The following ITGA2 variants were observed in gnomAD, a reference collection of about 807,000 sequenced individuals.
ITGA2 encodes the protein integrin alpha-2.
Under a neutral mutation model 146.3 loss-of-function variants are expected in ITGA2, and 101 were observed. The observed-to-expected ratio is 0.69, with a 90% CI of 0.59 to 0.81. The LOEUF (loss-of-function observed/expected upper bound fraction) is 0.81, where lower values mean the gene tolerates loss of function less well. Among genes scored for constraint, ITGA2 ranks in the 40% least tolerant of loss-of-function variants. The pLI, the probability that ITGA2 is intolerant of heterozygous loss-of-function variation, is 0.00. For missense variants in ITGA2, 1,281 were observed against 1,402.7 expected (o/e 0.91, Z 1.39); for synonymous variants, 477 against 487.1 (o/e 0.98, Z 0.27).
chr5:53,052,805 C>T (rs1744440244), intron 7 of ITGA2, among the ~76,000 whole-genome samples: 1 of 152,112 alleles, frequency 6.6e-6, no homozygotes, highest in Non-Finnish European at 1.5e-5. Context: ...ATTTTTTCTT[C>T]ACTAAACAGA....
chr5:52,997,592 C>T (rs548470861), intron 1 of ITGA2, among the ~76,000 whole-genome samples: 84 of 152,276 alleles, frequency 5.5e-4, no homozygotes, highest in African/African-American at 1.7e-3. Context: ...GTCATTCTCC[C>T]GGATTCATTT....
chr5:53,074,946 A>G (rs1276103659), intron 21 of ITGA2, 115 bp from the exon 22 acceptor site: 7 of 737,142 alleles, frequency 9.5e-6, no homozygotes, highest in East Asian at 2.5e-5. Flanking sequence ...CTTAAGGTAT[A>G]TAAAATTCAG....
intron 27 of ITGA2, among the ~76,000 whole-genome samples, chr5:53,085,271 T>C (rs3212628): frequency 0.11 from 16,944 of 152,202 alleles, 1,147 homozygotes; most frequent in African/African-American, 0.18. Flanking sequence ...AGTAATTTCA[T>C]TACAAAGTGA....
At chr5:53,072,996 C>A in intron 19 of ITGA2, 122 bp from the exon 20 acceptor site, 2 of 954,762 alleles carry the variant, frequency 2.1e-6, no homozygotes, top group Non-Finnish European at 3.2e-6. Flanking sequence ...TATTACACAG[C>A]AATTTTCTCA....
At chr5:53,086,215 G>C (rs1746151880) in intron 27 of ITGA2, among the ~76,000 whole-genome samples, 1 of 152,064 alleles carries the variant, frequency 6.6e-6, no homozygotes, top group South Asian at 2.1e-4. Context: ...CTGAAAACTA[G>C]GCTCTTTTTC....
chr5:53,034,888 T>C (rs1462685378), intron 2 of ITGA2, among the ~76,000 whole-genome samples: 1 of 152,172 alleles, frequency 6.6e-6, no homozygotes, highest in African/African-American at 2.4e-5. Context: ...GGGAACTTAA[T>C]ATGGTAAAAA....
chr5:53,018,960 A>T (rs543203386), intron 1 of ITGA2, among the ~76,000 whole-genome samples: 17 of 152,204 alleles, frequency 1.1e-4, no homozygotes, highest in African/African-American at 4.1e-4. Flanking sequence ...GCTACTCAGG[A>T]GGCTGAGATA....
intron 1 of ITGA2, among the ~76,000 whole-genome samples, chr5:52,994,193 C>G (rs1175350979): frequency 1.3e-5 from 2 of 152,066 alleles, no homozygotes; most frequent in Non-Finnish European, 1.5e-5. Context: ...GTGTTAGGCT[C>G]AAGGTGGAAT....
rs1386247687 is a variant in ITGA2 at position 53,094,028 on chromosome 5, AATT to A, written c.*3435_*3437del. 13 of 152,636 alleles carry A rather than the reference AATT, an allele frequency of 8.5e-5. No individual in the cohort carries two copies. Among genetic ancestry groups the A allele is most frequent in the Admixed American group, 5.9e-4 (9 of 15,284 alleles). The allele number at this position is 152,636 out of a possible 1,614,324, so 9.5% of individuals were successfully genotyped here. On this transcript the variant is annotated 3_prime_UTR_variant, in exon 30 of 30. Coordinates refer to ENST00000296585, the MANE Select transcript of ITGA2 (RefSeq NM_002203.4). The stretch of plus-strand genomic sequence containing the variant: ...TAGTCACACAAGTGATTATACTAAA[AATT>A]ATTATAAAGGTTATAATTTTATAAT...
At chr5:53,052,298 C>A (rs1015378734) in intron 7 of ITGA2, among the ~76,000 whole-genome samples, 1 of 151,898 alleles carries the variant, frequency 6.6e-6, no homozygotes, top group African/African-American at 2.4e-5. Context: ...CCTCATTGTT[C>A]AATGTGCTCT....
At chr5:53,083,136 G>A (rs1256831226) in intron 26 of ITGA2, among the ~76,000 whole-genome samples, 1 of 152,140 alleles carries the variant, frequency 6.6e-6, no homozygotes, top group Admixed American at 6.6e-5. Context: ...GGGGTAAAGA[G>A]TGTGCACTTG....
chr5:53,008,910 A>G (rs1197223323), intron 1 of ITGA2, among the ~76,000 whole-genome samples: 1 of 152,150 alleles, frequency 6.6e-6, no homozygotes, highest in African/African-American at 2.4e-5. Flanking sequence ...TGCATGAGTC[A>G]GAGAAGGACT....
chr5:53,041,129 A>G lies in ITGA2; in HGVS notation c.186-983A>G, dbSNP rs550994343. Among the ~76,000 whole-genome samples, 9 of 152,284 alleles carry G rather than the reference A, an allele frequency of 5.9e-5. No individual in the cohort carries two copies. The South Asian group carries it at 1.9e-3, about 32-fold the overall frequency. On this transcript the variant is annotated intron_variant, in intron 2 of 29. Transcript: ENST00000296585. The stretch of plus-strand genomic sequence containing the variant: ...ACCCTTCCCAATACTGACATGAAAA[A>G]AAATGGAAGCAAATATGCTTCCGTA...
At chr5:53,082,344 T>C (rs1029543998) in intron 26 of ITGA2, among the ~76,000 whole-genome samples, 3 of 152,160 alleles carry the variant, frequency 2.0e-5, no homozygotes, top group Non-Finnish European at 2.9e-5. Context: ...TTTTCTTTAA[T>C]TGCAGTTGTT....
rs1237058170 is a variant in ITGA2, at chr5:53,070,116, A to G, written c.2091A>G (p.Val697=). Residue 697 remains valine, a synonymous_variant, in exon 17 of 30, where the codon GTA becomes GTG. Coordinates refer to ENST00000296585, the MANE Select transcript of ITGA2 (RefSeq NM_002203.4). The stretch of plus-strand genomic sequence containing the variant: ...TGATTTTTTTTATCATAGCCATTGT[A>G]TATAACATCACACTTGATGCAGATG... ...PTKQNNQVAI[V]YNITLDADGF... 9 of 1,609,646 alleles carry G rather than the reference A, an allele frequency of 5.6e-6. No homozygotes were observed. The highest frequency in any genetic ancestry group is 1.1e-5 in the South Asian group (1 of 90,998).
chr5:53,017,574 C>A (rs1375469689), intron 1 of ITGA2, among the ~76,000 whole-genome samples: 2 of 152,202 alleles, frequency 1.3e-5, no homozygotes, highest in African/African-American at 4.8e-5. Flanking sequence ...TATGTGACAG[C>A]AGCTGTGGCA....
chr5:53,063,486 G>T (rs2111970469), intron 13 of ITGA2, among the ~76,000 whole-genome samples: 1 of 151,820 alleles, frequency 6.6e-6, no homozygotes, highest in African/African-American at 2.4e-5. Context: ...CATTAACATG[G>T]CAAAGCATAA....
chr5:53,019,819 C>A (rs2111782640), intron 1 of ITGA2, among the ~76,000 whole-genome samples: 1 of 152,286 alleles, frequency 6.6e-6, no homozygotes, highest in Non-Finnish European at 1.5e-5. Context: ...AGCCACCATG[C>A]CTGGCCAAGT....
At chr5:53,054,945 TA>T (rs1744562946) in intron 7 of ITGA2, among the ~76,000 whole-genome samples, 1 of 151,980 alleles carries the variant, frequency 6.6e-6, no homozygotes, top group Non-Finnish European at 1.5e-5. Context: ...AAACATTTTT[TA>T]AAAAAGAATA....
Sources: gnomAD v4.1 joint callset for allele counts (sites outside exome capture counted in the v4.1 genomes callset) on GRCh38, gnomAD v4.1.1 for gene constraint, MANE v1.5 for transcripts, NCBI Gene and HGNC (gene_info 2026-07-23, HGNC 2026-07-21) for gene names.